SYNE1: variants seen among roughly 807,000 people sequenced by gnomAD.
The protein encoded by SYNE1 is nesprin-1.
In SYNE1, 616 loss-of-function variants were observed where a neutral mutation model predicts 1,111.0. That is an observed-to-expected ratio of 0.55 (90% CI 0.52 to 0.59). SYNE1 has a LOEUF of 0.59. SYNE1 is among the 20% of genes least tolerant of loss of function. SYNE1 has a pLI of 0.00. For missense variants in SYNE1, 10,006 were observed against 10,417.0 expected (o/e 0.96, Z 1.72); for synonymous variants, 3,855 against 3,825.8 (o/e 1.01, Z -0.28).
chr6:152,440,567 ATT>A (rs10700163), intron 32 of SYNE1, among the ~76,000 whole-genome samples: 16 of 122,700 alleles, frequency 1.3e-4, no homozygotes, highest in African/African-American at 9.9e-5. Flanking sequence ...TTGCCTCCAG[ATT>A]TTTTTTTTTT....
intron 4 of SYNE1, among the ~76,000 whole-genome samples, chr6:152,534,876 T>C (rs2099226509): frequency 6.6e-6 from 1 of 152,248 alleles, no homozygotes; most frequent in Non-Finnish European, 1.5e-5. Context: ...CATGGATTTG[T>C]TTTTAGAAAA....
chr6:152,350,213 C>A lies in SYNE1; in HGVS notation c.11856G>T (p.Glu3952Asp). Residue 3952 changes from glutamate (E) to aspartate (D), a missense_variant, in exon 72 of 146, where the codon GAG becomes GAT. By Grantham distance (45) the Glu-to-Asp change is conservative (BLOSUM62 2). This residue lies in a region of SYNE1 where 4,955 missense variants were observed against 5,017.2 expected (regional missense o/e 0.99). Transcript: ENST00000367255. ...GGGTGATTGTCTCCAGGCTGCTTGT[C>A]TCCAGGAGGTCAGGTGCCACCAGTC... The part of the protein sequence containing the change: ...SGRLVAPDLL[E>D]TSSLETITQQ... 2 of 1,614,018 alleles carry A rather than the reference C, an allele frequency of 1.2e-6. No homozygotes were observed. The highest frequency in any genetic ancestry group is 2.2e-5 in the South Asian group (2 of 91,074).
chr6:152,172,351 A>C (rs1257672004), intron 130 of SYNE1, among the ~76,000 whole-genome samples: 1 of 152,204 alleles, frequency 6.6e-6, no homozygotes, highest in Non-Finnish European at 1.5e-5. Flanking sequence ...TTATATCCCC[A>C]AAAAAGCTGC....
At chr6:152,536,178 G>A (rs2154363348) in intron 4 of SYNE1, among the ~76,000 whole-genome samples, 1 of 150,944 alleles carries the variant, frequency 6.6e-6, no homozygotes, top group South Asian at 2.1e-4. Context: ...CGGGCGCCTT[G>A]TTCCTTCAGA....
chr6:152,259,832 C>T (rs944654528), intron 101 of SYNE1, among the ~76,000 whole-genome samples: 3 of 151,908 alleles, frequency 2.0e-5, no homozygotes, highest in African/African-American at 4.8e-5. Context: ...AAATGACCAG[C>T]GATTGCTGAA....
chr6:152,525,221 T>C (rs1469687215), intron 5 of SYNE1, among the ~76,000 whole-genome samples: 1 of 152,164 alleles, frequency 6.6e-6, no homozygotes, highest in African/African-American at 2.4e-5. Flanking sequence ...TGAATGGAAA[T>C]TAATTTTGAA....
At chr6:152,197,890 G>A (rs930323880) in intron 127 of SYNE1, among the ~76,000 whole-genome samples, 6 of 152,150 alleles carry the variant, frequency 3.9e-5, no homozygotes, top group African/African-American at 7.2e-5. Context: ...TGAAGCTTTC[G>A]AGCCAGGCAT....
chr6:152,122,796 T>C, intron 145 of SYNE1, 120 bp from the exon 146 acceptor site: 1 of 1,501,310 alleles, frequency 6.7e-7, no homozygotes, highest in African/African-American at 1.4e-5. Context: ...AGCCTGGCGA[T>C]CAGCTGCCAG....
intron 24 of SYNE1, 115 bp downstream of exon 24, chr6:152,455,311 C>T: frequency 8.5e-7 from 1 of 1,179,040 alleles, no homozygotes; most frequent in Non-Finnish European, 1.2e-6. Context: ...CTCTGCTTCC[C>T]TGACTCATCT....
At chr6:152,310,580 C>T in intron 88 of SYNE1, 62 bp from the exon 89 acceptor site, 1 of 1,612,512 alleles carries the variant, frequency 6.2e-7, no homozygotes, top group Non-Finnish European at 8.5e-7. Context: ...AGAATAACAT[C>T]ACAGTCAAGA....
At chr6:152,594,574 T>C (rs1414619398) in intron 3 of SYNE1, among the ~76,000 whole-genome samples, 3 of 152,238 alleles carry the variant, frequency 2.0e-5, no homozygotes, top group African/African-American at 4.8e-5. Context: ...ACCCAGCTTA[T>C]AGGAAACAGG....
At chr6:152,456,231 CAG>C (rs1238500472) in intron 22 of SYNE1, among the ~76,000 whole-genome samples, 187 bp from the exon 23 acceptor site, 3 of 151,508 alleles carry the variant, frequency 2.0e-5, no homozygotes, top group Non-Finnish European at 4.4e-5. Flanking sequence ...TCACTGAAGT[CAG>C]TGCTTTCTTA....
Position 152,269,158 on chromosome 6 carries a change from T to A in SYNE1, c.18702A>T (p.Gln6234His), listed in dbSNP as rs370090457. Residue 6234 changes from glutamine to histidine, a missense_variant, in exon 99 of 146, where the codon CAA becomes CAT. Physicochemically the swap from Gln to His is conservative, Grantham distance 24. Coordinates refer to ENST00000367255, the MANE Select transcript of SYNE1 (RefSeq NM_182961.4). ...TQQRQSSLQQ[Q>H]KELEQELAEQ... is the part of the protein sequence containing the mutation. ...AGAGAGGTAGGAAACACTTTACTTTTTGTTGCTGGAGACTGCTCTGCCGCT... is the reference window on the plus strand; with the variant it reads ...AGAGAGGTAGGAAACACTTTACTTTATGTTGCTGGAGACTGCTCTGCCGCT... The A allele has an allele frequency of 1.2e-6, 2 of 1,614,208 alleles. No homozygotes were observed. Among genetic ancestry groups the A allele is most frequent in the Non-Finnish European group, 1.7e-6 (2 of 1,180,048 alleles).
At chr6:152,599,302 C>G (rs530648089) in intron 3 of SYNE1, among the ~76,000 whole-genome samples, 3 of 152,194 alleles carry the variant, frequency 2.0e-5, no homozygotes, top group African/African-American at 7.2e-5. Context: ...GAAGAATGCT[C>G]TTTGTGCAGT....
At chr6:152,200,634 G>T in intron 127 of SYNE1, among the ~76,000 whole-genome samples, 1 of 152,242 alleles carries the variant, frequency 6.6e-6, no homozygotes, top group African/African-American at 2.4e-5. Context: ...GGTCTCAAAT[G>T]ATCTGTTTGC....
At chr6:152,316,759 C>T in intron 87 of SYNE1, 90 bp downstream of exon 87, 1 of 1,508,746 alleles carries the variant, frequency 6.6e-7, no homozygotes. Flanking sequence ...AAAAATTTTA[C>T]ATCACAGCCC....
intron 86 of SYNE1, among the ~76,000 whole-genome samples, chr6:152,317,344 C>T (rs1477121911): frequency 6.6e-6 from 1 of 151,786 alleles, no homozygotes; most frequent in Non-Finnish European, 1.5e-5. Context: ...CCTCAGCCTC[C>T]CACGTAGCTG....
At position 152,234,069 on chromosome 6, in the gene SYNE1, G is replaced by A. The variant is rs988528532; in HGVS notation, c.20530-106C>T. On this transcript the variant is annotated intron_variant, in intron 111 of 145. Coordinates refer to ENST00000367255, the MANE Select transcript of SYNE1 (RefSeq NM_182961.4). ...AAACAATTTCCTTTACATCCTGGAG[G>A]GGGTTATGCTGAACACTCAAAAGAA... is the stretch of plus-strand genomic sequence containing the variant. 2.8e-5 allele frequency: 33 copies of A among 1,194,620 alleles called. No homozygotes were observed. The Admixed American group carries it at 6.5e-4, about 23-fold the overall frequency. The allele number at this position is 1,194,620 out of a possible 1,614,324, so 74.0% of individuals were successfully genotyped here.
intron 53 of SYNE1, among the ~76,000 whole-genome samples, chr6:152,388,902 C>T (rs2097563617): frequency 6.6e-6 from 1 of 152,166 alleles, no homozygotes; most frequent in African/African-American, 2.4e-5. Context: ...CTGGCCTAAG[C>T]CAAGCCTCTG....
Sources: allele counts gnomAD v4.1 joint callset (sites outside exome capture counted in the v4.1 genomes callset), GRCh38; gene constraint gnomAD v4.1.1; regional missense constraint gnomAD v4.1.1; transcripts MANE v1.5; gene names NCBI Gene and HGNC (gene_info 2026-07-23, HGNC 2026-07-21).